Variants in GPR161 observed in about 807,000 individuals in gnomAD.
The protein encoded by GPR161 is G protein-coupled receptor 161.
A neutral mutation model predicts 39.2 loss-of-function variants in GPR161; 25 were observed. That is an observed-to-expected ratio of 0.64 (90% CI 0.47 to 0.89). The LOEUF (loss-of-function observed/expected upper bound fraction) is 0.89, where lower values mean the gene tolerates loss of function less well. Ranked by LOEUF, GPR161 falls within the 40% of genes least tolerant of loss-of-function variation. The pLI is 0.00. For missense variants in GPR161, 547 were observed against 677.8 expected (o/e 0.81, Z 2.14); for synonymous variants, 286 against 276.6 (o/e 1.03, Z -0.34).
In GPR161 at chr1:168,098,681, T is replaced by C. The variant is rs1695791631; in HGVS notation, c.375-1449A>G. ...CCTGGGGCTGCTCTGAGCTGAGCCTTGAGCCCAGGCCAGGATCTATCCTGG... is the reference window on the plus strand; with the variant it reads ...CCTGGGGCTGCTCTGAGCTGAGCCTCGAGCCCAGGCCAGGATCTATCCTGG... On this transcript the variant is annotated intron_variant, in intron 2 of 5. Coordinates refer to ENST00000682931, the MANE Select transcript of GPR161 (RefSeq NM_001375883.1). The surrounding 1 kb of genome is among the most constrained non-coding windows in gnomAD (Gnocchi z 4.1). 6.6e-6 allele frequency among the ~76,000 whole-genome samples: 1 copy of C among 152,212 alleles called. No homozygotes were observed. Among genetic ancestry groups the C allele is most frequent in the African/African-American group, 2.4e-5 (1 of 41,450 alleles).
At chr1:168,133,134 G>A (rs1437444823) in intron 1 of GPR161, among the ~76,000 whole-genome samples, 1 of 152,152 alleles carries the variant, frequency 6.6e-6, no homozygotes, top group Non-Finnish European at 1.5e-5. Flanking sequence ...CCCAAAAAAG[G>A]AAAAAGAGGG....
intron 1 of GPR161, among the ~76,000 whole-genome samples, chr1:168,115,732 T>C (rs745336048): frequency 6.6e-6 from 1 of 151,740 alleles, no homozygotes; most frequent in Non-Finnish European, 1.5e-5. Context: ...GTCCCCGGGA[T>C]AGGACAAGAC....
intron 1 of GPR161, among the ~76,000 whole-genome samples, chr1:168,109,553 C>T (rs1696928189): frequency 6.6e-6 from 1 of 152,220 alleles, no homozygotes; most frequent in Non-Finnish European, 1.5e-5. Flanking sequence ...TAGAAAGCTC[C>T]TCCCACTGGC....
At chr1:168,089,842 T>G (rs1359128476) in intron 4 of GPR161, among the ~76,000 whole-genome samples, 1 of 152,188 alleles carries the variant, frequency 6.6e-6, no homozygotes, top group Non-Finnish European at 1.5e-5. Context: ...CCCGGTGCCA[T>G]GACTCTGATG....
At chr1:168,123,349 T>A (rs923928526) in intron 1 of GPR161, among the ~76,000 whole-genome samples, 1 of 152,030 alleles carries the variant, frequency 6.6e-6, no homozygotes, top group African/African-American at 2.4e-5. Context: ...TCCCAGTTAA[T>A]CAGGAGGTTG....
At chr1:168,092,304 A>G (rs1459974033) in intron 3 of GPR161, among the ~76,000 whole-genome samples, 1 of 152,182 alleles carries the variant, frequency 6.6e-6, no homozygotes, top group African/African-American at 2.4e-5. Context: ...CTGAAGCCGC[A>G]GTGGGTTTTG....
intron 1 of GPR161, among the ~76,000 whole-genome samples, chr1:168,126,329 G>C (rs761868596): frequency 8.5e-5 from 13 of 152,164 alleles, no homozygotes; most frequent in Non-Finnish European, 1.8e-4. Context: ...TAAGAACTCT[G>C]AAGAGGCCTT....
At position 168,097,846 on chromosome 1, in the gene GPR161, G is replaced by A. The variant is rs141600828; in HGVS notation, c.375-614C>T. Among the ~76,000 whole-genome samples, 354 of 152,304 alleles carry A rather than the reference G, an allele frequency of 2.3e-3. 2 individuals carry two copies. The highest frequency in any genetic ancestry group is 8.2e-3 in the African/African-American group (340 of 41,570). On this transcript the variant is annotated intron_variant, in intron 2 of 5. Transcript: ENST00000682931. ...ATGTCATTATCTTCATTTTACAGATGAGGAAACTAAAGCAGGGAAAGGCTA... is the reference window on the plus strand; with the variant it reads ...ATGTCATTATCTTCATTTTACAGATAAGGAAACTAAAGCAGGGAAAGGCTA...
rs560662369 is a variant in GPR161 at position 168,093,842 on chromosome 1, G to A, written c.1099+2666C>T. Among the ~76,000 whole-genome samples, 72 of 152,338 alleles carry A rather than the reference G, an allele frequency of 4.7e-4. 1 individual carries two copies. In the South Asian group the frequency reaches 0.014, roughly 30 times the overall value. The stretch of plus-strand genomic sequence containing the variant: ...ACAGCGCAGGGTGAGCGGCTGGGCT[G>A]GGGCGCCACATTCTGCTTTGGTTCC... On this transcript the variant is annotated intron_variant, in intron 3 of 5. Transcript: ENST00000682931.
rs138593833 is a variant in GPR161, at chr1:168,109,253, C to G, written c.-44-4359G>C. Among the ~76,000 whole-genome samples the G allele has an allele frequency of 3.7e-3, 560 of 152,126 alleles. 5 individuals are homozygous for G. The highest frequency in any genetic ancestry group is 0.013 in the African/African-American group (539 of 41,492). On this transcript the variant is annotated intron_variant, in intron 1 of 5. Coordinates refer to ENST00000682931, the MANE Select transcript of GPR161 (RefSeq NM_001375883.1). ...ACTGATGTGAACATGTTTCTTATTT[C>G]AAATGCACAGAAAAGCTGGATTAAA...
intron 1 of GPR161, among the ~76,000 whole-genome samples, chr1:168,125,082 C>G (rs1385733488): frequency 1.3e-5 from 2 of 152,186 alleles, no homozygotes; most frequent in African/African-American, 2.4e-5. Context: ...TCTCTGTCTC[C>G]TTTTTATACT....
chr1:168,136,452 C>G, intron 1 of GPR161: 3 of 1,301,522 alleles, frequency 2.3e-6, no homozygotes, highest in Non-Finnish European at 2.9e-6. Context: ...CGGGCTGCAC[C>G]CAGCAGAATG....
In GPR161 at chr1:168,082,493, T is replaced by C. The variant is rs1694149431; in HGVS notation, c.*3038A>G. On this transcript the variant is annotated 3_prime_UTR_variant, in exon 6 of 6. Transcript: ENST00000682931. Reference sequence around the variant, plus strand: ...GCCTCTGGCCAGGGAAATGGCTGTGTTGAGCTGTGTGTGTGCTCTGTAATG... The same window carrying C: ...GCCTCTGGCCAGGGAAATGGCTGTGCTGAGCTGTGTGTGTGCTCTGTAATG... The C allele has an allele frequency of 6.6e-6, 1 of 152,340 alleles. No individual in the cohort carries two copies. The highest frequency in any genetic ancestry group is 1.5e-5 in the Non-Finnish European group (1 of 68,148). The allele number at this position is 152,340 out of a possible 1,614,324, so 9.4% of individuals were successfully genotyped here. A position where few individuals can be genotyped will look rare whatever the true frequency, so the allele number is the denominator to read the frequency against.
chr1:168,136,525 A>G, intron 1 of GPR161: 2 of 1,219,378 alleles, frequency 1.6e-6, no homozygotes, highest in South Asian at 5.8e-5. Context: ...TCTTCCCACA[A>G]AGAGCTCCAG....
At chr1:168,101,158 T>C (rs1696069248) in intron 2 of GPR161, among the ~76,000 whole-genome samples, 1 of 152,110 alleles carries the variant, frequency 6.6e-6, no homozygotes, top group Non-Finnish European at 1.5e-5. Flanking sequence ...CTTTAAGTTT[T>C]AGGGTACATG....
At chr1:168,110,477 C>A (rs562236242) in intron 1 of GPR161, among the ~76,000 whole-genome samples, 1 of 124,554 alleles carries the variant, frequency 8.0e-6, no homozygotes, top group African/African-American at 3.1e-5. Flanking sequence ...CCAGCCTAGA[C>A]GACAGAGTGA....
intron 1 of GPR161, among the ~76,000 whole-genome samples, chr1:168,112,230 C>T (rs1353828292): frequency 6.6e-6 from 1 of 151,946 alleles, no homozygotes; most frequent in Non-Finnish European, 1.5e-5. Context: ...CCTGTAATCC[C>T]AGCACTTTGG....
At chr1:168,089,834 C>T (rs541309497) in intron 4 of GPR161, among the ~76,000 whole-genome samples, 1 of 152,350 alleles carries the variant, frequency 6.6e-6, no homozygotes, top group East Asian at 1.9e-4. Flanking sequence ...CCCACCTCCC[C>T]GGTGCCATGA....
intron 1 of GPR161, among the ~76,000 whole-genome samples, chr1:168,117,408 T>G (rs1476391423): frequency 6.6e-6 from 1 of 152,168 alleles, no homozygotes; most frequent in Admixed American, 6.5e-5. Context: ...CATGACATAA[T>G]GGTTAAGAGC....
Sources: gnomAD v4.1 joint callset for allele counts (sites outside exome capture counted in the v4.1 genomes callset) on GRCh38, gnomAD v4.1.1 for gene constraint, Gnocchi (gnomAD v3.1) non-coding constraint, MANE v1.5 for transcripts, NCBI Gene and HGNC (gene_info 2026-07-23, HGNC 2026-07-21) for gene names.